ABLIM1: variants seen among roughly 807,000 people sequenced by gnomAD.
ABLIM1 encodes the protein actin-binding LIM protein 1.
A neutral mutation model predicts 107.0 loss-of-function variants in ABLIM1; 40 were observed. That is an observed-to-expected ratio of 0.37 (90% CI 0.29 to 0.49). ABLIM1 has a LOEUF of 0.49. Among genes scored for constraint, ABLIM1 ranks in the 20% least tolerant of loss-of-function variants. ABLIM1 has a pLI of 0.97. For synonymous variants in ABLIM1, 357 were observed against 357.3 expected, an observed-to-expected ratio of 1.00 and a Z score of 0.01; for missense variants, 857 against 1,008.5, an observed-to-expected ratio of 0.85 and a Z score of 2.04.
chr10:114,687,704 T>C (rs984022481), upstream of ABLIM1, among the ~76,000 whole-genome samples: 2 of 152,118 alleles, frequency 1.3e-5, no homozygotes, highest in African/African-American at 4.8e-5. Flanking sequence ...ATAGCAGATA[T>C]CAGTAACAAA....
the ABLIM1 span, chr10:114,779,066 T>A: frequency 6.6e-6 from 1 of 152,150 alleles, no homozygotes; most frequent in African/African-American, 2.4e-5. Context: ...ATTGATTTTT[T>A]AAAAAATACA....
chr10:114,657,560 C>T (rs1172604820), intron 1 of ABLIM1, among the ~76,000 whole-genome samples: 1 of 152,120 alleles, frequency 6.6e-6, no homozygotes, highest in Non-Finnish European at 1.5e-5. Context: ...CAATTTGGAC[C>T]TCAACTTTAC....
At chr10:114,478,858 A>C (rs1043712622) in intron 8 of ABLIM1, among the ~76,000 whole-genome samples, 6 of 152,146 alleles carry the variant, frequency 3.9e-5, no homozygotes, top group African/African-American at 1.4e-4. Flanking sequence ...TTCCATGGGC[A>C]TCTTGTTTGC....
intron 1 of ABLIM1, among the ~76,000 whole-genome samples, chr10:114,637,731 G>A (rs1427590820): frequency 6.6e-6 from 1 of 152,178 alleles, no homozygotes; most frequent in Non-Finnish European, 1.5e-5. Flanking sequence ...TCCTACAAGA[G>A]CAGCAAAAGC....
intron 6 of ABLIM1, among the ~76,000 whole-genome samples, chr10:114,533,178 A>T (rs2137034956): frequency 6.6e-6 from 1 of 152,116 alleles, no homozygotes; most frequent in Admixed American, 6.5e-5. Flanking sequence ...CATCTCTAGT[A>T]AAAAACACAA....
At chr10:114,501,431 C>T (rs2060408133) in intron 6 of ABLIM1, among the ~76,000 whole-genome samples, 1 of 152,176 alleles carries the variant, frequency 6.6e-6, no homozygotes, top group Admixed American at 6.5e-5. Context: ...CTTTATATAT[C>T]CTCTTTCAAC....
chr10:114,482,585 C>T (rs1296608779), intron 8 of ABLIM1, among the ~76,000 whole-genome samples: 3 of 152,184 alleles, frequency 2.0e-5, no homozygotes, highest in Admixed American at 6.5e-5. Flanking sequence ...ATTCTTCAAT[C>T]GCCAACGGGT....
chr10:114,513,785 T>C (rs1169450135), intron 6 of ABLIM1, among the ~76,000 whole-genome samples: 1 of 152,236 alleles, frequency 6.6e-6, no homozygotes, highest in Non-Finnish European at 1.5e-5. Flanking sequence ...AAGGTGTCGA[T>C]GCCAACACTA....
chr10:114,612,372 T>C (rs2076865652), intron 1 of ABLIM1, among the ~76,000 whole-genome samples: 1 of 152,192 alleles, frequency 6.6e-6, no homozygotes, highest in Non-Finnish European at 1.5e-5. Context: ...CAGATACAAA[T>C]GTCTTGACCT....
At chr10:114,761,024 T>C (rs965147720) in intron 1 of ABLIM1, among the ~76,000 whole-genome samples, 2 of 152,182 alleles carry the variant, frequency 1.3e-5, no homozygotes, top group Non-Finnish European at 2.9e-5. Flanking sequence ...GAGGAGAAAC[T>C]GTAGTTGATA....
At chr10:114,641,395 G>A (rs1007557970) in intron 1 of ABLIM1, among the ~76,000 whole-genome samples, 3 of 152,048 alleles carry the variant, frequency 2.0e-5, no homozygotes, top group African/African-American at 7.2e-5. Flanking sequence ...TCTAGGTGTT[G>A]GGATATCACA....
At chr10:114,769,426 A>G (rs1321788618), upstream of ABLIM1, among the ~76,000 whole-genome samples, 10 of 10,720 alleles carry the variant, frequency 9.3e-4, no homozygotes, top group East Asian at 1.8e-3. Flanking sequence ...AAAGAAGGAA[A>G]GAAAGAAAGA....
At chr10:114,704,300 C>CTATATATATATATATA (rs1192514543) in intron 1 of ABLIM1, among the ~76,000 whole-genome samples, 5 of 28,882 alleles carry the variant, frequency 1.7e-4, no homozygotes, top group Admixed American at 3.1e-4. Flanking sequence ...CTCTCTCTCT[C>CTATATATATATATATA]TCTATATATA....
intron 20 of ABLIM1, chr10:114,439,552 G>T (rs991996608): frequency 2.0e-5 from 9 of 454,756 alleles, no homozygotes; most frequent in South Asian, 5.8e-5. Context: ...ATTATTGTTA[G>T]TTTCTTATCT....
intron 7 of ABLIM1, 136 bp downstream of exon 7, chr10:114,491,655 T>C (rs759570079): frequency 8.1e-6 from 6 of 739,456 alleles, no homozygotes; most frequent in Non-Finnish European, 1.3e-5. Flanking sequence ...AGGTAACTTT[T>C]GGCCATAATC....
At chr10:114,476,646 A>AAATAATAATAATAAT (rs141618382) in intron 8 of ABLIM1, among the ~76,000 whole-genome samples, 14,143 of 143,174 alleles carry the variant, frequency 0.099, 817 homozygotes, top group Middle Eastern at 0.13. Flanking sequence ...CTCTGCCTCA[A>AAATAATAATAATAAT]AATAATAATA....
At chr10:114,673,258 A>T (rs1451353184) in intron 1 of ABLIM1, among the ~76,000 whole-genome samples, 1,063 of 33,872 alleles carry the variant, frequency 0.031, 11 homozygotes, top group African/African-American at 0.095. Context: ...ACTCCAGCTA[A>T]AAAAAAAAAA....
intron 10 of ABLIM1, among the ~76,000 whole-genome samples, chr10:114,471,407 C>T (rs1446859339): frequency 6.6e-6 from 1 of 152,158 alleles, no homozygotes. Context: ...GGTCCAAGGC[C>T]AATCTCTATG....
chr10:114,445,278 T>C (rs1358087530), intron 16 of ABLIM1, 34 bp downstream of exon 16: 36 of 1,570,644 alleles, frequency 2.3e-5, no homozygotes, highest in Admixed American at 8.3e-5. Context: ...GTAACTAGCA[T>C]TGAAGACAGC....
Sources: allele counts gnomAD v4.1 joint callset (sites outside exome capture counted in the v4.1 genomes callset), GRCh38; gene constraint gnomAD v4.1.1; transcripts MANE v1.5; gene names NCBI Gene and HGNC (gene_info 2026-07-23, HGNC 2026-07-21).